RAB11FIP3: variants seen among roughly 807,000 people sequenced by gnomAD.
The protein encoded by RAB11FIP3 is rab11 family-interacting protein 3.
In RAB11FIP3, 17 loss-of-function variants were observed where a neutral mutation model predicts 77.8. The ratio of observed to expected loss-of-function variants is 0.22; its 90% CI spans 0.15 to 0.33. The LOEUF is 0.33. Among genes scored for constraint, RAB11FIP3 ranks in the 10% least tolerant of loss-of-function variants. The pLI, the probability that RAB11FIP3 is intolerant of heterozygous loss-of-function variation, is 1.00. For synonymous variants in RAB11FIP3, 437 were observed against 448.2 expected (o/e 0.98, Z 0.31); for missense variants, 1,005 against 1,011.2 (o/e 0.99, Z 0.08).
At chr16:492,389 GCCCTC>G (rs2030447618) in intron 5 of RAB11FIP3, among the ~76,000 whole-genome samples, 4 of 138,326 alleles carry the variant, frequency 2.9e-5, no homozygotes, top group Non-Finnish European at 3.1e-5. Flanking sequence ...GCCGCCCAGA[GCCCTC>G]CCCGGGAGAC....
At chr16:462,324 C>T (rs562164887) in intron 2 of RAB11FIP3, among the ~76,000 whole-genome samples, 2 of 152,270 alleles carry the variant, frequency 1.3e-5, no homozygotes, top group African/African-American at 2.4e-5. Flanking sequence ...CGGGTTCAAG[C>T]GATTCTCCTG....
chr16:519,705 C>G, intron 10 of RAB11FIP3, 49 bp from the exon 11 acceptor site: 1 of 1,591,938 alleles, frequency 6.3e-7, no homozygotes, highest in East Asian at 2.2e-5. Flanking sequence ...AAGCTGCATG[C>G]ACAGGTAGGT....
chr16:425,717 C>T lies in RAB11FIP3; in HGVS notation c.-290C>T, dbSNP rs538545758. On this transcript the variant is annotated 5_prime_UTR_variant, in exon 1 of 14. Transcript: ENST00000262305. ...TCCGGCCTCCTCGGCCCCCGTCCCC[C>T]GGCCTCCTCGGCCCCCGTCCCCCGC... 4 of 309,612 alleles carry T rather than the reference C, an allele frequency of 1.3e-5. No homozygotes were observed. Among genetic ancestry groups the T allele is most frequent in the African/African-American group, 4.4e-5 (2 of 45,472 alleles). The allele number at this position is 309,612 out of a possible 1,614,324, so 19.2% of individuals were successfully genotyped here.
At chr16:440,132 C>T (rs144313833) in intron 1 of RAB11FIP3, among the ~76,000 whole-genome samples, 4,234 of 152,124 alleles carry the variant, frequency 0.028, 220 homozygotes, top group African/African-American at 0.097. Flanking sequence ...CGTGAGCCAC[C>T]GCGCCCGGCC....
chr16:445,278 C>A (rs1182419859), intron 1 of RAB11FIP3, among the ~76,000 whole-genome samples: 7 of 143,900 alleles, frequency 4.9e-5, no homozygotes, highest in African/African-American at 7.9e-5. Flanking sequence ...ACTAAAAATA[C>A]AAAAAAAAAA....
In RAB11FIP3 at chr16:506,456, G is replaced by A. The variant is rs578094100; in HGVS notation, c.1499+829G>A. Among the ~76,000 whole-genome samples, 2 of 152,116 alleles carry A rather than the reference G, an allele frequency of 1.3e-5. No homozygotes were observed. The highest frequency in any genetic ancestry group is 2.4e-5 in the African/African-American group (1 of 41,426). On this transcript the variant is annotated intron_variant, in intron 8 of 13. Transcript: ENST00000262305. This position sits in a 1 kb window ranked among gnomAD's most constrained non-coding sequence, Gnocchi z 4.5. ...AGCTTCTGTCCCTGCCCAGCTGCGC[G>A]GGCACATCCCGGCTCTTCCACATAT...
intron 5 of RAB11FIP3, 136 bp from the exon 6 acceptor site, chr16:496,688 C>T (rs112579549): frequency 0.031 from 25,430 of 811,670 alleles, 606 homozygotes; most frequent in African/African-American, 0.1. Flanking sequence ...CATGGACTTG[C>T]CTGGGGGGCC....
At chr16:458,662 A>G (rs957752118) in intron 1 of RAB11FIP3, among the ~76,000 whole-genome samples, 1 of 138,272 alleles carries the variant, frequency 7.2e-6, no homozygotes, top group South Asian at 2.3e-4. Context: ...TTGTCAGTTA[A>G]TGGATGTGGC....
rs2054934202 is a variant in RAB11FIP3, at chr16:426,040, TCGGAGCCGCCGGGGCCCGACC to T, written c.43_63del (p.Pro15_Pro21del). 2.0e-6 allele frequency: 2 copies of T among 994,254 alleles called. No homozygotes were observed. The highest frequency in any genetic ancestry group is 4.5e-5 in the South Asian group (1 of 22,180). 61.6% of individuals were successfully genotyped at this position (994,254 alleles called of 1,614,324 possible). A position where few individuals can be genotyped will look rare whatever the true frequency, so the allele number is the denominator to read the frequency against. On this transcript the variant is annotated inframe_deletion, in exon 1 of 14. Coordinates refer to ENST00000262305, the MANE Select transcript of RAB11FIP3 (RefSeq NM_014700.4). The surrounding 1 kb of genome is among the most constrained non-coding windows in gnomAD (Gnocchi z 5.0). ...GGCCCCGCCGGCCTCGCCCCCGGGC[TCGGAGCCGCCGGGGCCCGACC>T]CGGAGCCGGGCGGGCCGGACGGGCC... is the stretch of plus-strand genomic sequence containing the variant.
intron 2 of RAB11FIP3, among the ~76,000 whole-genome samples, chr16:464,906 A>C (rs2055675734): frequency 6.6e-6 from 1 of 152,206 alleles, no homozygotes. Flanking sequence ...CAAAACAAAA[A>C]AAACTTGCCA....
chr16:487,758 G>A (rs934311929), intron 4 of RAB11FIP3, among the ~76,000 whole-genome samples: 2 of 152,200 alleles, frequency 1.3e-5, no homozygotes, highest in Non-Finnish European at 2.9e-5. Context: ...GCCCCCGGCC[G>A]CTGTGTTTTC....
At chr16:436,437 G>A (rs960466262) in intron 1 of RAB11FIP3, among the ~76,000 whole-genome samples, 12 of 152,030 alleles carry the variant, frequency 7.9e-5, no homozygotes, top group African/African-American at 2.9e-4. Flanking sequence ...AGCCTCCAGG[G>A]GCATGCCCCC....
chr16:455,112 C>G (rs1443802912), intron 1 of RAB11FIP3, among the ~76,000 whole-genome samples: 1 of 148,620 alleles, frequency 6.7e-6, no homozygotes, highest in Non-Finnish European at 1.5e-5. Flanking sequence ...CCACATGCAC[C>G]AGATTGAAGA....
chr16:447,693 G>A (rs576954633), intron 1 of RAB11FIP3, among the ~76,000 whole-genome samples: 57 of 152,278 alleles, frequency 3.7e-4, no homozygotes, highest in Admixed American at 1.8e-3. Context: ...AGCCGAGATC[G>A]CGCCACTGCG....
chr16:492,394 C>CCAGAGCCCTT, intron 5 of RAB11FIP3, among the ~76,000 whole-genome samples: 1 of 32,144 alleles, frequency 3.1e-5, no homozygotes, highest in African/African-American at 1.3e-4. Context: ...CCAGAGCCCT[C>CCAGAGCCCTT]CCCGGGAGAC....
At chr16:490,285 G>A (rs757203965) in intron 5 of RAB11FIP3, among the ~76,000 whole-genome samples, 92 of 152,234 alleles carry the variant, frequency 6.0e-4, no homozygotes, top group Non-Finnish European at 1.2e-3. Flanking sequence ...CCTGCCAGTG[G>A]CCCAGAAGCC....
At chr16:493,552 T>C (rs1423477464) in intron 5 of RAB11FIP3, among the ~76,000 whole-genome samples, 1 of 152,218 alleles carries the variant, frequency 6.6e-6, no homozygotes, top group Non-Finnish European at 1.5e-5. Context: ...CTGCAGCCTC[T>C]AAATACATTT....
At chr16:500,705 A>AG (rs2031456287) in intron 6 of RAB11FIP3, among the ~76,000 whole-genome samples, 1 of 150,632 alleles carries the variant, frequency 6.6e-6, no homozygotes. Context: ...AAAAAAAAAA[A>AG]AAAAAAAAAA....
At chr16:481,577 C>G (rs1232432377) in intron 3 of RAB11FIP3, among the ~76,000 whole-genome samples, 1 of 148,890 alleles carries the variant, frequency 6.7e-6, no homozygotes, top group African/African-American at 2.5e-5. Flanking sequence ...CTGGGACCTA[C>G]AGGCAGGTGC....
Sources: allele counts gnomAD v4.1 joint callset (sites outside exome capture counted in the v4.1 genomes callset), GRCh38; gene constraint gnomAD v4.1.1; non-coding constraint Gnocchi (gnomAD v3.1); transcripts MANE v1.5; gene names NCBI Gene and HGNC (gene_info 2026-07-23, HGNC 2026-07-21).